Variants in MRPS6 observed in about 807,000 individuals in gnomAD.
MRPS6 encodes mitochondrial ribosomal protein S6.
In MRPS6, 6 loss-of-function variants were observed where a neutral mutation model predicts 13.1. That is an observed-to-expected ratio of 0.46 (90% CI 0.25 to 0.91). The LOEUF (loss-of-function observed/expected upper bound fraction) is 0.91, where lower values mean the gene tolerates loss of function less well. Among genes scored for constraint, MRPS6 ranks in the 40% least tolerant of loss-of-function variants. MRPS6 has a pLI of 0.18. For synonymous variants in MRPS6, 61 were observed against 56.5 expected (o/e 1.08, Z -0.36); for missense variants, 164 against 155.6 (o/e 1.05, Z -0.29).
chr21:34,112,278 A>G (rs1432590810), intron 1 of MRPS6, among the ~76,000 whole-genome samples: 1 of 152,312 alleles, frequency 6.6e-6, no homozygotes, highest in Non-Finnish European at 1.5e-5. Context: ...CCAGCATCTA[A>G]TAACCATGAG....
At chr21:34,115,995 C>T (rs564493948) in intron 1 of MRPS6, among the ~76,000 whole-genome samples, 3 of 151,360 alleles carry the variant, frequency 2.0e-5, no homozygotes, top group East Asian at 3.9e-4. Flanking sequence ...GTTTTTATGC[C>T]AGTATGTAAG....
At chr21:34,108,760 T>C (rs1434633642) in intron 1 of MRPS6, among the ~76,000 whole-genome samples, 1 of 152,240 alleles carries the variant, frequency 6.6e-6, no homozygotes, top group East Asian at 1.9e-4. Flanking sequence ...TAGAAAGCAC[T>C]TTCCTTCAGA....
chr21:34,106,199 A>G (rs1979468609), intron 1 of MRPS6: 1 of 977,448 alleles, frequency 1.0e-6, no homozygotes, highest in Non-Finnish European at 1.2e-6. Flanking sequence ...ACTGAAGTAT[A>G]GTAATTATTT....
At position 34,125,435 on chromosome 21, in the gene MRPS6, T is replaced by C; in HGVS notation, c.140T>C (p.Leu47Pro). The change falls in exon 2 of 3, where the codon CTT becomes CCT. Residue 47 changes from leucine to proline, a missense_variant. Coordinates refer to ENST00000399312, the MANE Select transcript of MRPS6 (RefSeq NM_032476.4). ...TTGGAAAACCTGGGTGAACGAGCGC[T>C]TCCTTATAGGATCTCTGCCCACAGT... ...RDLENLGERALPYRISAHSQQ... is the reference protein window; with the variant it reads ...RDLENLGERAPPYRISAHSQQ... The C allele has an allele frequency of 6.2e-7, 1 of 1,614,100 alleles. No homozygotes were observed. Among genetic ancestry groups the C allele is most frequent in the Non-Finnish European group, 8.5e-7 (1 of 1,179,948 alleles).
chr21:34,094,694 G>C (rs909919629), intron 1 of MRPS6, among the ~76,000 whole-genome samples: 6 of 152,166 alleles, frequency 3.9e-5, no homozygotes, highest in Non-Finnish European at 5.9e-5. Context: ...TATCAGCTGT[G>C]ATCATATAGA....
At chr21:34,105,167 C>A in intron 1 of MRPS6, 1 of 1,000,148 alleles carries the variant, frequency 1.0e-6, no homozygotes, top group Non-Finnish European at 1.2e-6. Context: ...CCCACTGTTA[C>A]TGCTTCAGTT....
intron 1 of MRPS6, chr21:34,095,317 TC>T (rs766301834): frequency 6.2e-7 from 1 of 1,614,170 alleles, no homozygotes; most frequent in Admixed American, 1.7e-5. Context: ...AGTGGATACT[TC>T]CTGGCGGGGC....
intron 1 of MRPS6, among the ~76,000 whole-genome samples, chr21:34,076,564 G>A (rs992818681): frequency 5.9e-5 from 9 of 152,290 alleles, no homozygotes; most frequent in South Asian, 2.1e-4. Context: ...GGGCATTTAG[G>A]AATGTAGTTA....
At chr21:34,103,641 C>T in intron 1 of MRPS6, 1 of 1,000,052 alleles carries the variant, frequency 1.0e-6, no homozygotes, top group Non-Finnish European at 1.2e-6. Context: ...TTCTCTGTAT[C>T]CCACAAGTGC....
chr21:34,139,075 C>T (rs1473720021), intron 2 of MRPS6, among the ~76,000 whole-genome samples: 1 of 151,088 alleles, frequency 6.6e-6, no homozygotes, highest in African/African-American at 2.4e-5. Flanking sequence ...TCTCAGTAAA[C>T]TGTTGCAAGG....
chr21:34,103,851 C>T, intron 1 of MRPS6: 2 of 1,000,052 alleles, frequency 2.0e-6, no homozygotes, highest in Non-Finnish European at 2.4e-6. Context: ...GGGTTACTAG[C>T]TAAAATGGGG....
chr21:34,095,344 T>G (rs779061173), intron 1 of MRPS6: 5 of 1,614,120 alleles, frequency 3.1e-6, no homozygotes, highest in Non-Finnish European at 4.2e-6. Flanking sequence ...ATGACCTGGG[T>G]AGCAATTGGT....
intron 2 of MRPS6, among the ~76,000 whole-genome samples, chr21:34,137,052 T>C (rs1980730795): frequency 6.6e-6 from 1 of 152,216 alleles, no homozygotes; most frequent in African/African-American, 2.4e-5. Context: ...TACATGAATA[T>C]CATACTGTCT....
At chr21:34,142,190 T>A (rs895556799) in intron 2 of MRPS6, among the ~76,000 whole-genome samples, 5 of 152,188 alleles carry the variant, frequency 3.3e-5, no homozygotes, top group African/African-American at 1.2e-4. Context: ...AAGAGTGTAA[T>A]GGGAAAGACC....
chr21:34,141,600 C>T (rs1033835264), intron 2 of MRPS6, among the ~76,000 whole-genome samples: 7 of 152,176 alleles, frequency 4.6e-5, no homozygotes, highest in South Asian at 2.1e-4. Flanking sequence ...CCAGCTAGAA[C>T]ATTGCAGGAT....
intron 1 of MRPS6, chr21:34,100,590 A>G (rs1979191557): frequency 9.0e-6 from 9 of 1,000,268 alleles, no homozygotes; most frequent in Non-Finnish European, 1.1e-5. Flanking sequence ...TCATGTAGCC[A>G]TAGCTCTTAG....
Position 34,097,147 on chromosome 21 carries a change from A to T in MRPS6, c.45+23402A>T, listed in dbSNP as rs769945510. The stretch of plus-strand genomic sequence containing the variant: ...AAAGAGAGAAAGAAAGAAACGGATG[A>T]TGGAGGTCGGTACTGGAAGTTCATA... On this transcript the variant is annotated intron_variant, in intron 1 of 2. Transcript: ENST00000399312. The T allele has an allele frequency of 7.4e-6, 12 of 1,613,972 alleles. No individual in the cohort carries two copies. In the East Asian group the frequency reaches 1.8e-4, roughly 24 times the overall value.
At chr21:34,125,847 G>A (rs534298089) in intron 2 of MRPS6, among the ~76,000 whole-genome samples, 3 of 152,160 alleles carry the variant, frequency 2.0e-5, no homozygotes, top group African/African-American at 4.8e-5. Context: ...AAACATATGC[G>A]TTGCAAATAA....
intron 1 of MRPS6, among the ~76,000 whole-genome samples, chr21:34,094,679 A>G (rs929934527): frequency 1.3e-5 from 2 of 152,248 alleles, no homozygotes; most frequent in East Asian, 1.9e-4. Context: ...TCTCACTGAC[A>G]AAAGTATCAG....
Sources: gnomAD v4.1 joint callset for allele counts (sites outside exome capture counted in the v4.1 genomes callset) on GRCh38, gnomAD v4.1.1 for gene constraint, MANE v1.5 for transcripts, NCBI Gene and HGNC (gene_info 2026-07-23, HGNC 2026-07-21) for gene names.